Variants in IQGAP2 observed in about 807,000 individuals in gnomAD.
The protein encoded by IQGAP2 is ras GTPase-activating-like protein IQGAP2.
IQGAP2 carries 173 observed loss-of-function variants against 201.3 expected under a neutral mutation model. The observed-to-expected ratio is 0.86, with a 90% CI of 0.76 to 0.98. The LOEUF is 0.98. Among genes scored for constraint, IQGAP2 ranks in the 50% least tolerant of loss-of-function variants. IQGAP2 has a pLI of 0.00. For missense variants in IQGAP2, 1,687 were observed against 1,864.8 expected (o/e 0.90, Z 1.76); for synonymous variants, 675 against 673.9 (o/e 1.00, Z -0.03).
Position 76,632,035 on chromosome 5 carries a change from G to T in IQGAP2, c.1780+9G>T. 3 of 1,591,684 alleles carry T rather than the reference G, an allele frequency of 1.9e-6. No homozygotes were observed. Among genetic ancestry groups the T allele is most frequent in the Non-Finnish European group, 2.6e-6 (3 of 1,170,396 alleles). ...GCTCAAATCTGAAAGAGGTAAGTTG[G>T]TTTGTTACTTTAGCACAAACTAAGT... is the stretch of plus-strand genomic sequence containing the variant. On this transcript the variant is annotated intron_variant, in intron 15 of 35. Coordinates refer to ENST00000274364, the MANE Select transcript of IQGAP2 (RefSeq NM_006633.5).
intron 11 of IQGAP2, among the ~76,000 whole-genome samples, chr5:76,604,444 G>A (rs535946090): frequency 6.6e-6 from 1 of 152,128 alleles, no homozygotes; most frequent in African/African-American, 2.4e-5. Context: ...TAAACATACA[G>A]GTACATGTGC....
At position 76,654,155 on chromosome 5, in the gene IQGAP2, C is replaced by T; in HGVS notation, c.2179-45C>T. On this transcript the variant is annotated intron_variant, in intron 18 of 35. Transcript: ENST00000274364. The stretch of plus-strand genomic sequence containing the variant: ...TTGTTTGGTGATTACTTTGACTTTT[C>T]TCTTTATTTTTTGTTGTACTTTTCT... 2.2e-6 allele frequency: 3 copies of T among 1,349,460 alleles called. No homozygotes were observed. The South Asian group carries it at 3.7e-5, about 17-fold the overall frequency. 83.6% of individuals were successfully genotyped at this position (1,349,460 alleles called of 1,614,324 possible). A position where few individuals can be genotyped will look rare whatever the true frequency, so the allele number is the denominator to read the frequency against.
intron 23 of IQGAP2, 76 bp downstream of exon 23, chr5:76,668,920 A>G: frequency 1.1e-6 from 1 of 891,416 alleles, no homozygotes. Context: ...TTGATTTACT[A>G]AAATTATTTT....
chr5:76,552,406 G>C (rs773692642), intron 2 of IQGAP2, among the ~76,000 whole-genome samples: 11 of 152,182 alleles, frequency 7.2e-5, no homozygotes, highest in Non-Finnish European at 1.5e-4. Flanking sequence ...GAATTTTCCA[G>C]ATCTTTAAGT....
chr5:76,496,726 T>TTCTTTCTTTCTTTCTTTCTTTCG (rs1756937801), intron 2 of IQGAP2, among the ~76,000 whole-genome samples: 1 of 24,248 alleles, frequency 4.1e-5, no homozygotes, highest in East Asian at 6.0e-3. Context: ...CTTTCTTTCT[T>TTCTTTCTTTCTTTCTTTCTTTCG]TTCTTTCTTT....
chr5:76,552,851 G>A (rs978735937), intron 2 of IQGAP2, among the ~76,000 whole-genome samples: 1 of 152,118 alleles, frequency 6.6e-6, no homozygotes, highest in Non-Finnish European at 1.5e-5. Context: ...TAAGTCCTCT[G>A]CAGTCTGTTC....
intron 2 of IQGAP2, among the ~76,000 whole-genome samples, chr5:76,532,031 C>G (rs1759326369): frequency 6.6e-6 from 1 of 152,228 alleles, no homozygotes; most frequent in Non-Finnish European, 1.5e-5. Context: ...CCCTCATGGC[C>G]TAATGGCCTC....
chr5:76,465,700 G>T (rs1754734339), intron 2 of IQGAP2, among the ~76,000 whole-genome samples: 1 of 152,160 alleles, frequency 6.6e-6, no homozygotes, highest in African/African-American at 2.4e-5. Context: ...ATGGTTGTAG[G>T]ATACTAGGGG....
chr5:76,654,910 A>G, intron 19 of IQGAP2, 24 bp from the exon 20 acceptor site: 1 of 1,555,012 alleles, frequency 6.4e-7, no homozygotes, highest in African/African-American at 1.4e-5. Flanking sequence ...CTGGGAGATC[A>G]AGACTTGTCT....
chr5:76,547,792 C>T (rs942507607), intron 2 of IQGAP2, among the ~76,000 whole-genome samples: 3 of 152,208 alleles, frequency 2.0e-5, no homozygotes, highest in Non-Finnish European at 4.4e-5. Context: ...TCAGTCTCCC[C>T]TGTAGCAAGT....
intron 1 of IQGAP2, among the ~76,000 whole-genome samples, chr5:76,424,182 A>G (rs1222935711): frequency 6.6e-6 from 1 of 152,114 alleles, no homozygotes; most frequent in Non-Finnish European, 1.5e-5. Flanking sequence ...GGGCTTCAAT[A>G]TTGTTTTCAG....
intron 5 of IQGAP2, among the ~76,000 whole-genome samples, chr5:76,582,476 G>A (rs1175016369): frequency 2.6e-5 from 4 of 152,170 alleles, no homozygotes; most frequent in Non-Finnish European, 5.9e-5. Flanking sequence ...AGGATTCAGC[G>A]CTTCTGGATT....
chr5:76,679,982 G>A (rs1023768069), intron 28 of IQGAP2, among the ~76,000 whole-genome samples: 4 of 152,194 alleles, frequency 2.6e-5, no homozygotes, highest in African/African-American at 4.8e-5. Flanking sequence ...TTGAAGTTAT[G>A]TATCTGAGGT....
rs147582445 is a variant in IQGAP2, at chr5:76,522,434, C to T, written c.147-39962C>T. Among the ~76,000 whole-genome samples, 587 of 152,252 alleles carry T rather than the reference C, an allele frequency of 3.9e-3. 4 individuals carry two copies. Among genetic ancestry groups the T allele is most frequent in the African/African-American group, 0.013 (559 of 41,554 alleles). On this transcript the variant is annotated intron_variant, in intron 2 of 35. Transcript: ENST00000274364. ...CAGACCTCAAGTGATCCACCCACCT[C>T]GGCCTCCCAAAGTGCTGGGATTATG...
Position 76,484,804 on chromosome 5 carries a change from TTCTC to T in IQGAP2, c.146+23149_146+23152del, listed in dbSNP as rs1297304528. On this transcript the variant is annotated intron_variant, in intron 2 of 35. Coordinates refer to ENST00000274364, the MANE Select transcript of IQGAP2 (RefSeq NM_006633.5). ...GCACTGGGATTACAGGTGGCCTCAT[TTCTC>T]TCTCTCTCTCTCTTTTTGTTATTGT... Among the ~76,000 whole-genome samples, 6 of 149,822 alleles carry T rather than the reference TTCTC, an allele frequency of 4.0e-5. No individual in the cohort carries two copies. The East Asian group carries it at 5.8e-4, about 15-fold the overall frequency.
intron 2 of IQGAP2, among the ~76,000 whole-genome samples, chr5:76,540,285 A>G (rs954517820): frequency 1.3e-5 from 2 of 152,248 alleles, no homozygotes; most frequent in African/African-American, 4.8e-5. Context: ...TTCATTTATT[A>G]AGTAGATACA....
intron 2 of IQGAP2, among the ~76,000 whole-genome samples, chr5:76,532,803 CCT>C (rs1270498413): frequency 6.6e-6 from 1 of 152,258 alleles, no homozygotes; most frequent in African/African-American, 2.4e-5. Flanking sequence ...ACACCCACAG[CCT>C]CTGAGAGGAT....
intron 1 of IQGAP2, among the ~76,000 whole-genome samples, chr5:76,418,415 A>G (rs909192656): frequency 1.3e-5 from 2 of 151,568 alleles, no homozygotes; most frequent in Admixed American, 6.6e-5. Flanking sequence ...CTCTGAATTG[A>G]GGCTGGACCC....
intron 2 of IQGAP2, among the ~76,000 whole-genome samples, chr5:76,510,922 G>A (rs887831588): frequency 6.6e-6 from 1 of 152,230 alleles, no homozygotes; most frequent in Non-Finnish European, 1.5e-5. Flanking sequence ...CCAGCTGCAA[G>A]GCCTTGGACT....
Sources: allele counts gnomAD v4.1 joint callset (sites outside exome capture counted in the v4.1 genomes callset), GRCh38; gene constraint gnomAD v4.1.1; transcripts MANE v1.5; gene names NCBI Gene and HGNC (gene_info 2026-07-23, HGNC 2026-07-21).